KIF3A: variants seen among roughly 807,000 people sequenced by gnomAD.
KIF3A encodes kinesin-like protein KIF3A.
Under a neutral mutation model 92.6 loss-of-function variants are expected in KIF3A, and 27 were observed. That is an observed-to-expected ratio of 0.29 (90% confidence interval 0.21 to 0.40). The LOEUF (loss-of-function observed/expected upper bound fraction) is 0.40, where lower values mean the gene tolerates loss of function less well. Among genes scored for constraint, KIF3A ranks in the 10% least tolerant of loss-of-function variants. KIF3A has a pLI of 1.00. For synonymous variants in KIF3A, 250 were observed against 275.4 expected (o/e 0.91, Z 0.92); for missense variants, 581 against 872.6 (o/e 0.67, Z 4.21).
rs1467412620 is a variant in KIF3A, at chr5:132,703,630, C to T, written c.1310-11G>A. ...AGACTTTCTTTTTTCCTATTTGAAT[C>T]ATTTAATTGCAACAATCACTAAAAT... On this transcript the variant is annotated splice_polypyrimidine_tract_variant and intron_variant, in intron 11 of 18. Coordinates refer to ENST00000403231, the MANE Select transcript of KIF3A (RefSeq NM_001300791.2). 6.3e-7 allele frequency: 1 copy of T among 1,580,294 alleles called. No homozygotes were observed. The highest frequency in any genetic ancestry group is 8.6e-7 in the Non-Finnish European group (1 of 1,162,460).
At chr5:132,728,775 A>C (rs1754126612) in intron 2 of KIF3A, among the ~76,000 whole-genome samples, 1 of 151,658 alleles carries the variant, frequency 6.6e-6, no homozygotes, top group Admixed American at 6.6e-5. Flanking sequence ...AAATAAATAT[A>C]ATAAACTATA....
chr5:132,703,044 C>T lies in KIF3A; in HGVS notation c.1488G>A (p.Leu496=). 6.2e-7 allele frequency: 1 copy of T among 1,611,486 alleles called. No homozygotes were observed. The highest frequency in any genetic ancestry group is 8.5e-7 in the Non-Finnish European group (1 of 1,179,256). Residue 496 remains leucine (L), a synonymous_variant, in exon 13 of 19, where the codon CTG becomes CTA. Transcript: ENST00000403231. Reference sequence around the variant, plus strand: ...TCTTTTCCAGGGCAGATAATTTTTCCAGCAAAGACTGATGCTCTTGTCTGT... The same window carrying T: ...TCTTTTCCAGGGCAGATAATTTTTCTAGCAAAGACTGATGCTCTTGTCTGT... The part of the protein sequence containing the change: ...LKAQQEHQSL[L]EKLSALEKKV...
At chr5:132,710,123 G>T (rs10036532) in intron 9 of KIF3A, among the ~76,000 whole-genome samples, 89,540 of 151,960 alleles carry the variant, frequency 0.59, 28,548 homozygotes, top group Non-Finnish European at 0.73. Flanking sequence ...TCTATATTCT[G>T]ATCATAATAA....
At chr5:132,737,010 G>A in intron 1 of KIF3A, 1 of 342,320 alleles carries the variant, frequency 2.9e-6, no homozygotes, top group East Asian at 7.4e-5. Context: ...CCTTCGCTCC[G>A]CTGCCTCCCT....
chr5:132,696,695 GA>G lies in KIF3A; in HGVS notation c.2133-14del. 6.9e-6 allele frequency: 11 copies of G among 1,599,720 alleles called. No individual in the cohort carries two copies. The highest frequency in any genetic ancestry group is 1.3e-5 in the African/African-American group (1 of 74,634). On this transcript the variant is annotated splice_polypyrimidine_tract_variant and intron_variant, in intron 18 of 18. Coordinates refer to ENST00000403231, the MANE Select transcript of KIF3A (RefSeq NM_001300791.2). ...TGCAGAACGCTTTCTGTTTGGAGAA[GA>G]AAAAAAGCAATCATGAATGCTTTCC...
At chr5:132,713,859 C>G (rs187532761) in intron 8 of KIF3A, among the ~76,000 whole-genome samples, 2 of 146,968 alleles carry the variant, frequency 1.4e-5, no homozygotes, top group African/African-American at 5.0e-5. Flanking sequence ...ATAAGCCAGT[C>G]ACAAAAAGAC....
At chr5:132,733,743 C>A (rs1399955267) in intron 2 of KIF3A, among the ~76,000 whole-genome samples, 1 of 152,172 alleles carries the variant, frequency 6.6e-6, no homozygotes, top group Non-Finnish European at 1.5e-5. Flanking sequence ...CCAGCCTGGG[C>A]AACAGAGCAA....
chr5:132,708,436 A>C (rs1488363411), intron 10 of KIF3A, among the ~76,000 whole-genome samples: 1 of 152,126 alleles, frequency 6.6e-6, no homozygotes, highest in Non-Finnish European at 1.5e-5. Flanking sequence ...TTTAATCTTA[A>C]GCTACCACTA....
At chr5:132,736,404 T>C (rs1398986076) in intron 1 of KIF3A, among the ~76,000 whole-genome samples, 3 of 152,212 alleles carry the variant, frequency 2.0e-5, no homozygotes, top group East Asian at 1.9e-4. Context: ...CTTCTCTCTA[T>C]TGTAGGATAC....
chr5:132,712,099 G>T (rs1216103995), intron 8 of KIF3A, among the ~76,000 whole-genome samples: 2 of 152,178 alleles, frequency 1.3e-5, no homozygotes, highest in Non-Finnish European at 1.5e-5. Flanking sequence ...CTTGGGAGAA[G>T]AAATTTCTGA....
intron 4 of KIF3A, among the ~76,000 whole-genome samples, chr5:132,722,144 T>C (rs1753845942): frequency 6.6e-6 from 1 of 152,212 alleles, no homozygotes; most frequent in Admixed American, 6.5e-5. Context: ...AAAATGGACA[T>C]TCTTCAAACT....
At position 132,711,006 on chromosome 5, in the gene KIF3A, T is replaced by G. The variant is rs1158740611; in HGVS notation, c.1181A>C (p.Glu394Ala). ...TCCATCTTCTCCAACCTCACCCTCTTCATCATCATCTTCCTCTGACCCACT... is the reference window on the plus strand; with the variant it reads ...TCCATCTTCTCCAACCTCACCCTCTGCATCATCATCTTCCTCTGACCCACT... ...DISGSEEDDD[E>A]EGEVGEDGEK... The change falls in exon 9 of 19, where the codon GAA becomes GCA. Residue 394 changes from glutamate to alanine, a missense_variant. Transcript: ENST00000403231. 1 of 1,611,850 alleles carries G rather than the reference T, an allele frequency of 6.2e-7. No individual in the cohort carries two copies. The highest frequency in any genetic ancestry group is 1.1e-5 in the South Asian group (1 of 91,026).
intron 1 of KIF3A, among the ~76,000 whole-genome samples, chr5:132,735,462 G>T (rs1055764232): frequency 1.1e-4 from 16 of 152,300 alleles, no homozygotes; most frequent in African/African-American, 2.9e-4. Flanking sequence ...ACAGATACTT[G>T]TTAAATTCCT....
chr5:132,720,222 T>G (rs571433830), intron 5 of KIF3A, among the ~76,000 whole-genome samples: 1 of 152,364 alleles, frequency 6.6e-6, no homozygotes, highest in East Asian at 1.9e-4. Context: ...TCTCACTTTC[T>G]TCATTCATAA....
chr5:132,708,596 A>G (rs891070925), intron 10 of KIF3A, among the ~76,000 whole-genome samples: 1 of 152,232 alleles, frequency 6.6e-6, no homozygotes, highest in Non-Finnish European at 1.5e-5. Context: ...ATGTGTCATG[A>G]AACCTAAAAA....
Position 132,703,080 on chromosome 5 carries a change from G to C in KIF3A, c.1467-15C>G. ...GATGCTCTTGTCTGTTGATTAGAAT[G>C]AGAATACTCTATATTCACTGATGAT... On this transcript the variant is annotated splice_polypyrimidine_tract_variant and intron_variant, in intron 12 of 18. Coordinates refer to ENST00000403231, the MANE Select transcript of KIF3A (RefSeq NM_001300791.2). The C allele has an allele frequency of 6.3e-7, 1 of 1,585,484 alleles. No individual in the cohort carries two copies. The highest frequency in any genetic ancestry group is 8.6e-7 in the Non-Finnish European group (1 of 1,166,364).
rs867225588 is a variant in KIF3A, at chr5:132,699,271, C to T, written c.2032G>A (p.Val678Met). ...KDPFEVDLSH[V>M]YLAYTEESLR... ...CTCTCCTCAGTATAGGCAAGATACA[C>T]GTGAGAAAGGTCCACCTCAAAGGGC... is the stretch of plus-strand genomic sequence containing the variant. The change falls in exon 18 of 19, where the codon GTG (valine) becomes ATG (methionine). Residue 678 changes from valine (V) to methionine (M), a missense_variant. By Grantham distance (21) the Val-to-Met change is conservative (BLOSUM62 1). This residue lies in a region of KIF3A where 112 missense variants were observed against 144.3 expected (regional missense o/e 0.78). Coordinates refer to ENST00000403231, the MANE Select transcript of KIF3A (RefSeq NM_001300791.2). The T allele has an allele frequency of 1.2e-6, 2 of 1,613,558 alleles. No homozygotes were observed. Among genetic ancestry groups the T allele is most frequent in the Non-Finnish European group, 1.7e-6 (2 of 1,179,746 alleles).
intron 2 of KIF3A, among the ~76,000 whole-genome samples, chr5:132,731,563 T>C (rs1754231718): frequency 1.3e-5 from 2 of 152,152 alleles, no homozygotes; most frequent in African/African-American, 4.8e-5. Flanking sequence ...TGAATGCATT[T>C]TCCCTAAGAT....
rs757026054 is a variant in KIF3A, at chr5:132,695,498, C to T, written c.*1136G>A. 6.6e-6 allele frequency: 1 copy of T among 152,158 alleles called. No individual in the cohort carries two copies. The highest frequency in any genetic ancestry group is 1.5e-5 in the Non-Finnish European group (1 of 67,990). 9.4% of individuals were successfully genotyped at this position (152,158 alleles called of 1,614,324 possible). Reference sequence around the variant, plus strand: ...GGAGTAGCATAACTTTAAAAAAATACAATAAAAGTTTCATAAGCAGCTAAC... The same window carrying T: ...GGAGTAGCATAACTTTAAAAAAATATAATAAAAGTTTCATAAGCAGCTAAC... On this transcript the variant is annotated 3_prime_UTR_variant, in exon 19 of 19. Transcript: ENST00000403231.
Sources: allele counts gnomAD v4.1 joint callset (sites outside exome capture counted in the v4.1 genomes callset), GRCh38; gene constraint gnomAD v4.1.1; regional missense constraint gnomAD v4.1.1; transcripts MANE v1.5; gene names NCBI Gene and HGNC (gene_info 2026-07-23, HGNC 2026-07-21).